The following HTR1F variants were observed in gnomAD, a reference collection of about 807,000 sequenced individuals.
HTR1F encodes the protein 5-hydroxytryptamine receptor 1F.
In HTR1F, 17 loss-of-function variants were observed where a neutral mutation model predicts 24.0. That is an observed-to-expected ratio of 0.71 (90% confidence interval 0.48 to 1.06). The LOEUF (loss-of-function observed/expected upper bound fraction) is 1.06, where lower values mean the gene tolerates loss of function less well. Ranked by LOEUF, HTR1F falls within the 50% of genes least tolerant of loss-of-function variation. HTR1F has a pLI of 0.00. For missense variants in HTR1F, 391 were observed against 427.8 expected, an observed-to-expected ratio of 0.91 and a Z score of 0.76; for synonymous variants, 186 against 156.8, an observed-to-expected ratio of 1.19 and a Z score of -1.39.
At chr3:87,951,731 T>C (rs1704837866) in intron 2 of HTR1F, among the ~76,000 whole-genome samples, 6 of 152,082 alleles carry the variant, frequency 3.9e-5, no homozygotes, top group South Asian at 2.1e-4. Flanking sequence ...GGCAAATATA[T>C]AGTTATATGC....
intron 2 of HTR1F, among the ~76,000 whole-genome samples, chr3:87,885,358 T>A (rs1307163287): frequency 1.3e-5 from 2 of 152,072 alleles, no homozygotes; most frequent in Admixed American, 1.3e-4. Context: ...TAGAGGGAAA[T>A]TTATAGCACT....
At chr3:87,931,026 C>CTTTTTTTTTTTTTTTTTTTTTTT (rs34617109) in intron 2 of HTR1F, among the ~76,000 whole-genome samples, 3 of 131,836 alleles carry the variant, frequency 2.3e-5, no homozygotes, top group South Asian at 2.7e-4. Flanking sequence ...ATAGTCTTTC[C>CTTTTTTTTTTTTTTTTTTTTTTT]TTTTTTTTTT....
chr3:87,836,066 A>G (rs1212424191), intron 2 of HTR1F, among the ~76,000 whole-genome samples: 1 of 152,216 alleles, frequency 6.6e-6, no homozygotes, highest in Non-Finnish European at 1.5e-5. Context: ...CCAGCAGAAA[A>G]GGAGATATCA....
chr3:87,838,195 G>A (rs1305670918), intron 2 of HTR1F, among the ~76,000 whole-genome samples: 1 of 152,108 alleles, frequency 6.6e-6, no homozygotes, highest in Non-Finnish European at 1.5e-5. Context: ...GTTAAGGGCT[G>A]ATTATCTGGA....
intron 1 of HTR1F, among the ~76,000 whole-genome samples, chr3:87,819,562 C>T (rs12633947): frequency 0.27 from 40,855 of 151,536 alleles, 5,804 homozygotes; most frequent in East Asian, 0.45. Context: ...CATCATTATG[C>T]TATGCCTTTT....
intron 2 of HTR1F, among the ~76,000 whole-genome samples, chr3:87,884,424 G>T (rs531858174): frequency 8.5e-5 from 13 of 152,144 alleles, no homozygotes; most frequent in Non-Finnish European, 1.8e-4. Flanking sequence ...ATCAATGCTA[G>T]GAAGGAACTG....
chr3:87,840,532 C>T (rs1704779336), intron 2 of HTR1F, among the ~76,000 whole-genome samples: 1 of 152,028 alleles, frequency 6.6e-6, no homozygotes, highest in South Asian at 2.1e-4. Context: ...TTCTGGAAAA[C>T]AGTACAAAGC....
At chr3:87,889,055 G>T (rs922909380) in intron 2 of HTR1F, among the ~76,000 whole-genome samples, 2 of 151,998 alleles carry the variant, frequency 1.3e-5, no homozygotes, top group African/African-American at 4.8e-5. Context: ...CTTACTCTTA[G>T]TCCTCATGAG....
chr3:87,906,284 A>C (rs376311837), intron 2 of HTR1F, among the ~76,000 whole-genome samples: 4 of 152,182 alleles, frequency 2.6e-5, no homozygotes, highest in East Asian at 3.9e-4. Context: ...ATCTGTATTG[A>C]TACCAAACTG....
At chr3:87,950,755 T>A (rs527554329) in intron 2 of HTR1F, among the ~76,000 whole-genome samples, 31 of 152,278 alleles carry the variant, frequency 2.0e-4, no homozygotes, top group Admixed American at 4.6e-4. Context: ...ACAGAGTTCA[T>A]TGGTTTCAGA....
At chr3:87,945,369 AG>A (rs1446878232) in intron 2 of HTR1F, among the ~76,000 whole-genome samples, 2 of 152,172 alleles carry the variant, frequency 1.3e-5, no homozygotes, top group African/African-American at 4.8e-5. Context: ...CTGAACCATT[AG>A]TACCTAGGAG....
chr3:87,834,506 C>T (rs948826160), intron 2 of HTR1F, among the ~76,000 whole-genome samples: 5 of 151,458 alleles, frequency 3.3e-5, no homozygotes, highest in African/African-American at 4.9e-5. Flanking sequence ...GGAAAGTCAA[C>T]GTGAGGTGGC....
At chr3:87,911,818 T>G (rs1703784060) in intron 2 of HTR1F, among the ~76,000 whole-genome samples, 1 of 152,114 alleles carries the variant, frequency 6.6e-6, no homozygotes, top group Non-Finnish European at 1.5e-5. Context: ...ATGAAAACTA[T>G]GATTGTCTCT....
intron 2 of HTR1F, among the ~76,000 whole-genome samples, chr3:87,924,798 C>A (rs548176523): frequency 4.3e-4 from 65 of 152,176 alleles, no homozygotes; most frequent in African/African-American, 1.5e-3. Context: ...TTCTAGAATT[C>A]TCTCTTTTGT....
intron 1 of HTR1F, among the ~76,000 whole-genome samples, chr3:87,820,849 G>A (rs1704346124): frequency 6.6e-6 from 1 of 152,070 alleles, no homozygotes; most frequent in Non-Finnish European, 1.5e-5. Context: ...GTTTTGTAAA[G>A]TTCTGCATGA....
intron 2 of HTR1F, among the ~76,000 whole-genome samples, chr3:87,859,114 C>T (rs927769569): frequency 2.0e-5 from 3 of 152,180 alleles, no homozygotes; most frequent in Non-Finnish European, 2.9e-5. Flanking sequence ...AGGAGAATTG[C>T]TTGAACCTGG....
intron 2 of HTR1F, among the ~76,000 whole-genome samples, chr3:87,956,345 T>C (rs1055767043): frequency 5.9e-5 from 9 of 151,448 alleles, no homozygotes; most frequent in South Asian, 2.1e-4. Flanking sequence ...GTGAGTCTAT[T>C]TGAGGACTCT....
chr3:87,874,875 AC>A (rs1705635514), intron 2 of HTR1F, among the ~76,000 whole-genome samples: 1 of 152,184 alleles, frequency 6.6e-6, no homozygotes, highest in Admixed American at 6.5e-5. Flanking sequence ...TGAAGACTAC[AC>A]CATGTGGAAA....
At chr3:87,841,996 C>G (rs73145266) in intron 2 of HTR1F, among the ~76,000 whole-genome samples, 4,378 of 150,836 alleles carry the variant, frequency 0.029, 121 homozygotes, top group Non-Finnish European at 0.048. Flanking sequence ...GCTTAGACTT[C>G]ACTCCTAGTA....
Sources: gnomAD v4.1 joint callset for allele counts (sites outside exome capture counted in the v4.1 genomes callset) on GRCh38, gnomAD v4.1.1 for gene constraint, MANE v1.5 for transcripts, NCBI Gene and HGNC (gene_info 2026-07-23, HGNC 2026-07-21) for gene names.